FAM171A1: variants seen among roughly 807,000 people sequenced by gnomAD.
The protein encoded by FAM171A1 is protein FAM171A1.
FAM171A1 carries 23 observed loss-of-function variants against 74.9 expected under a neutral mutation model. The ratio of observed to expected loss-of-function variants is 0.31; its 90% CI spans 0.22 to 0.44. FAM171A1 has a LOEUF of 0.44. FAM171A1 is among the 20% of genes least tolerant of loss of function. FAM171A1 has a pLI of 1.00. For synonymous variants in FAM171A1, 527 were observed against 505.7 expected (o/e 1.04, Z -0.57); for missense variants, 1,162 against 1,159.2 (o/e 1.00, Z -0.03).
rs148798582 is a variant in FAM171A1, at chr10:15,356,602, G to T, written c.97+14354C>A. On this transcript the variant is annotated intron_variant, in intron 1 of 7. Transcript: ENST00000378116. ...TAAACTGTGAAATATTAATACAGAA[G>T]AACGTTATGCAGCAATAAAAAGAAA... Among the ~76,000 whole-genome samples, 368 of 152,276 alleles carry T rather than the reference G, an allele frequency of 2.4e-3. 1 individual carries two copies. The highest frequency in any genetic ancestry group is 7.8e-3 in the African/African-American group (324 of 41,558).
chr10:15,332,175 C>T (rs372719564), intron 1 of FAM171A1, among the ~76,000 whole-genome samples: 1 of 151,774 alleles, frequency 6.6e-6, no homozygotes, highest in East Asian at 1.9e-4. Flanking sequence ...AGGTTGGTCT[C>T]GAACTCCTGA....
At chr10:15,266,217 C>A (rs1834738053) in intron 3 of FAM171A1, among the ~76,000 whole-genome samples, 1 of 152,186 alleles carries the variant, frequency 6.6e-6, no homozygotes, top group African/African-American at 2.4e-5. Context: ...CTATTCTCAA[C>A]CCCTGCTGGG....
At chr10:15,229,660 T>C (rs571796358) in intron 5 of FAM171A1, among the ~76,000 whole-genome samples, 4 of 125,046 alleles carry the variant, frequency 3.2e-5, no homozygotes, top group South Asian at 2.5e-4. Context: ...ATCATCACCA[T>C]TGTCACCCCC....
intron 5 of FAM171A1, among the ~76,000 whole-genome samples, chr10:15,239,405 G>A (rs1036391021): frequency 2.0e-5 from 3 of 151,964 alleles, no homozygotes; most frequent in African/African-American, 7.3e-5. Flanking sequence ...CCAGGTTCAA[G>A]GGATTCTCAG....
At chr10:15,333,871 T>G (rs1588559281) in intron 1 of FAM171A1, among the ~76,000 whole-genome samples, 1 of 145,310 alleles carries the variant, frequency 6.9e-6, no homozygotes, top group Admixed American at 6.9e-5. Flanking sequence ...AAAAAAAAAC[T>G]ATTTCCATTG....
rs1029540562 is a variant in FAM171A1, at chr10:15,343,971, C to T, written c.97+26985G>A. 3.4e-4 allele frequency among the ~76,000 whole-genome samples: 51 copies of T among 152,186 alleles called. 1 individual carries two copies. Among genetic ancestry groups the T allele is most frequent in the African/African-American group, 1.2e-3 (51 of 41,430 alleles). On this transcript the variant is annotated intron_variant, in intron 1 of 7. Transcript: ENST00000378116. ...TAAATTATTGCTGAACTACACTGAACACATTTAAAGATCAGACAACTTCCA... is the reference window on the plus strand; with the variant it reads ...TAAATTATTGCTGAACTACACTGAATACATTTAAAGATCAGACAACTTCCA...
At chr10:15,364,152 T>C (rs375361197) in intron 1 of FAM171A1, among the ~76,000 whole-genome samples, 1 of 61,724 alleles carries the variant, frequency 1.6e-5, no homozygotes. Flanking sequence ...TACTAACAGA[T>C]ATGTTTCAAC....
intron 1 of FAM171A1, among the ~76,000 whole-genome samples, chr10:15,298,900 G>C (rs1278973301): frequency 1.3e-5 from 2 of 152,068 alleles, no homozygotes; most frequent in Non-Finnish European, 2.9e-5. Context: ...ACCCCAACAT[G>C]CTTCTGTTTC....
Position 15,220,926 on chromosome 10 carries a change from G to C in FAM171A1, c.871+18C>G. On this transcript the variant is annotated intron_variant, in intron 6 of 7. Transcript: ENST00000378116. Reference sequence around the variant, plus strand: ...AAGCAACTGATCCGCATCATCGCAAGTGTTGGCTCCGTGTTACCTGGGATG... The same window carrying C: ...AAGCAACTGATCCGCATCATCGCAACTGTTGGCTCCGTGTTACCTGGGATG... 6.3e-7 allele frequency: 1 copy of C among 1,588,648 alleles called. No individual in the cohort carries two copies. The highest frequency in any genetic ancestry group is 8.6e-7 in the Non-Finnish European group (1 of 1,157,952).
At chr10:15,215,931 C>G (rs1833961428) in intron 7 of FAM171A1, 65 bp downstream of exon 7, 1 of 1,017,198 alleles carries the variant, frequency 9.8e-7, no homozygotes, top group Non-Finnish European at 1.4e-6. Flanking sequence ...ATTAATGCTT[C>G]TAAGTATCAA....
At chr10:15,285,681 C>T (rs1169866397) in intron 1 of FAM171A1, among the ~76,000 whole-genome samples, 1 of 152,166 alleles carries the variant, frequency 6.6e-6, no homozygotes, top group South Asian at 2.1e-4. Flanking sequence ...TTGCAGGCAC[C>T]ACATGCCATG....
chr10:15,240,793 G>A, intron 5 of FAM171A1: 1 of 944,942 alleles, frequency 1.1e-6, no homozygotes, highest in Non-Finnish European at 1.3e-6. Context: ...TAATCCCAGT[G>A]ACTTGGGAGG....
At chr10:15,336,954 G>A in intron 1 of FAM171A1, among the ~76,000 whole-genome samples, 1 of 151,870 alleles carries the variant, frequency 6.6e-6, no homozygotes, top group East Asian at 1.9e-4. Context: ...GAGTACAGTG[G>A]TGTGATCACA....
intron 1 of FAM171A1, among the ~76,000 whole-genome samples, chr10:15,334,106 G>A (rs537954622): frequency 1.1e-4 from 16 of 152,216 alleles, no homozygotes; most frequent in African/African-American, 3.6e-4. Context: ...AAATGAACTC[G>A]CCCAGATGTC....
At chr10:15,296,890 T>G (rs1564635844) in intron 1 of FAM171A1, among the ~76,000 whole-genome samples, 3 of 152,146 alleles carry the variant, frequency 2.0e-5, no homozygotes, top group South Asian at 4.1e-4. Context: ...TTCTATCATC[T>G]CAGGCAACTG....
At chr10:15,234,602 T>C (rs141244642) in intron 5 of FAM171A1, among the ~76,000 whole-genome samples, 531 of 152,098 alleles carry the variant, frequency 3.5e-3, no homozygotes, top group Middle Eastern at 6.8e-3. Flanking sequence ...AGGGGAAAAG[T>C]AGCCTAGCGA....
intron 4 of FAM171A1, among the ~76,000 whole-genome samples, chr10:15,254,493 G>C (rs79099768): frequency 6.6e-6 from 1 of 152,204 alleles, no homozygotes; most frequent in African/African-American, 2.4e-5. Context: ...AAGGCAACTG[G>C]TAACAGAAGA....
At chr10:15,342,820 A>G (rs989449674) in intron 1 of FAM171A1, among the ~76,000 whole-genome samples, 2 of 152,216 alleles carry the variant, frequency 1.3e-5, no homozygotes, top group East Asian at 3.8e-4. Context: ...CACATTTATC[A>G]GTGATTTTAC....
intron 1 of FAM171A1, among the ~76,000 whole-genome samples, chr10:15,338,889 C>T (rs1352928024): frequency 7.2e-5 from 11 of 152,252 alleles, no homozygotes; most frequent in African/African-American, 2.4e-4. Flanking sequence ...CACAGGCATG[C>T]GCCACCACGC....
Sources: allele counts gnomAD v4.1 joint callset (sites outside exome capture counted in the v4.1 genomes callset), GRCh38; gene constraint gnomAD v4.1.1; transcripts MANE v1.5; gene names NCBI Gene and HGNC (gene_info 2026-07-23, HGNC 2026-07-21).